The following DIAPH3 variants were observed in gnomAD, a reference collection of about 807,000 sequenced individuals.
DIAPH3 encodes diaphanous related formin 3.
DIAPH3 carries 117 observed loss-of-function variants against 144.3 expected under a neutral mutation model. The ratio of observed to expected loss-of-function variants is 0.81; its 90% CI spans 0.70 to 0.95. DIAPH3 has a LOEUF of 0.95. Among genes scored for constraint, DIAPH3 ranks in the 40% least tolerant of loss-of-function variants. DIAPH3 has a pLI of 0.00. For missense variants in DIAPH3, 1,421 were observed against 1,412.7 expected (o/e 1.01, Z -0.09); for synonymous variants, 519 against 488.9 (o/e 1.06, Z -0.81).
At chr13:59,800,330 T>C (rs1224189155) in intron 25 of DIAPH3, among the ~76,000 whole-genome samples, 3 of 152,190 alleles carry the variant, frequency 2.0e-5, no homozygotes, top group African/African-American at 7.2e-5. Context: ...ATCCTACTTA[T>C]ATCAAAGTGC....
chr13:59,742,002 C>A (rs573014756), intron 27 of DIAPH3, among the ~76,000 whole-genome samples: 1 of 152,110 alleles, frequency 6.6e-6, no homozygotes, highest in Non-Finnish European at 1.5e-5. Flanking sequence ...CAGTTCCACA[C>A]GGCTGGGGAG....
intron 25 of DIAPH3, among the ~76,000 whole-genome samples, chr13:59,787,879 A>G (rs11838830): frequency 0.068 from 10,307 of 152,258 alleles, 477 homozygotes; most frequent in South Asian, 0.18. Context: ...GTGCTTTTAT[A>G]AAAGGGATTC....
At chr13:60,133,216 T>C (rs2059187717) in intron 1 of DIAPH3, among the ~76,000 whole-genome samples, 2 of 152,062 alleles carry the variant, frequency 1.3e-5, no homozygotes, top group Non-Finnish European at 2.9e-5. Flanking sequence ...TTTTTTACTT[T>C]GTAAAACTCA....
chr13:60,019,667 C>T (rs1566666746), intron 5 of DIAPH3, among the ~76,000 whole-genome samples: 1 of 150,918 alleles, frequency 6.6e-6, no homozygotes, highest in Non-Finnish European at 1.5e-5. Flanking sequence ...CAATGTTTAA[C>T]CCGCCTTTAA....
At chr13:59,895,550 C>A (rs544175752) in intron 20 of DIAPH3, among the ~76,000 whole-genome samples, 4 of 151,316 alleles carry the variant, frequency 2.6e-5, no homozygotes, top group African/African-American at 9.7e-5. Context: ...ATAAGAAAAG[C>A]GAAAAAGGGA....
At chr13:59,719,220 A>G (rs986301752) in intron 27 of DIAPH3, among the ~76,000 whole-genome samples, 6 of 152,224 alleles carry the variant, frequency 3.9e-5, no homozygotes, top group Non-Finnish European at 8.8e-5. Context: ...GAAAATCAAT[A>G]TATTAGTGAA....
chr13:59,696,912 A>G (rs2033830651), intron 27 of DIAPH3, among the ~76,000 whole-genome samples: 1 of 152,138 alleles, frequency 6.6e-6, no homozygotes, highest in Admixed American at 6.5e-5. Flanking sequence ...TAGTTGCAAA[A>G]TAAACTTTTA....
At chr13:59,813,858 C>CAA (rs34778897) in intron 24 of DIAPH3, among the ~76,000 whole-genome samples, 954 of 91,172 alleles carry the variant, frequency 0.01, 6 homozygotes, top group African/African-American at 0.033. Context: ...GACTTTGTCT[C>CAA]AAAAAAAAAA....
At chr13:59,826,665 A>T (rs1476392666) in intron 24 of DIAPH3, among the ~76,000 whole-genome samples, 22 of 151,520 alleles carry the variant, frequency 1.5e-4, no homozygotes, top group East Asian at 5.8e-4. Context: ...TTTCTTCACA[A>T]AATTGGAAAA....
intron 24 of DIAPH3, among the ~76,000 whole-genome samples, chr13:59,824,607 T>C (rs2041268164): frequency 6.6e-6 from 1 of 152,150 alleles, no homozygotes; most frequent in Non-Finnish European, 1.5e-5. Context: ...GCAATTAAGA[T>C]GGGAGATATA....
At chr13:59,994,711 C>T (rs918266560) in intron 9 of DIAPH3, among the ~76,000 whole-genome samples, 1 of 151,806 alleles carries the variant, frequency 6.6e-6, no homozygotes, top group Non-Finnish European at 1.5e-5. Flanking sequence ...TTAACATGTT[C>T]AAAGACATGG....
At chr13:59,757,290 T>C in intron 27 of DIAPH3, among the ~76,000 whole-genome samples, 1 of 151,752 alleles carries the variant, frequency 6.6e-6, no homozygotes, top group Admixed American at 6.6e-5. Context: ...TTCATATCTG[T>C]TGCATTATCC....
chr13:60,093,802 T>C, intron 3 of DIAPH3, 70 bp from the exon 4 acceptor site: 1 of 976,958 alleles, frequency 1.0e-6, no homozygotes. Context: ...GCACTACAAA[T>C]GGAAAAATCA....
chr13:59,793,452 C>T (rs796485497), intron 25 of DIAPH3, among the ~76,000 whole-genome samples: 15 of 152,302 alleles, frequency 9.8e-5, no homozygotes, highest in African/African-American at 3.6e-4. Context: ...ACTCTTTACG[C>T]TATTCTTTGA....
At chr13:60,153,132 A>G (rs1434436603) in intron 1 of DIAPH3, among the ~76,000 whole-genome samples, 3 of 152,032 alleles carry the variant, frequency 2.0e-5, no homozygotes, top group African/African-American at 7.2e-5. Flanking sequence ...ATGGTTCTCA[A>G]TGAGGGCCAA....
chr13:59,885,275 C>A (rs528452092), intron 20 of DIAPH3, among the ~76,000 whole-genome samples: 1 of 151,918 alleles, frequency 6.6e-6, no homozygotes, highest in Non-Finnish European at 1.5e-5. Context: ...GGCATAAACC[C>A]CAGAATCATA....
At chr13:59,973,215 G>GT (rs553214832) in intron 15 of DIAPH3, among the ~76,000 whole-genome samples, 38 of 152,144 alleles carry the variant, frequency 2.5e-4, no homozygotes, top group African/African-American at 8.7e-4. Flanking sequence ...TGGTGGATAC[G>GT]TTTTTTATAA....
chr13:59,774,142 T>C (rs764704857), intron 27 of DIAPH3, 47 bp downstream of exon 27: 3 of 1,572,166 alleles, frequency 1.9e-6, no homozygotes, highest in Non-Finnish European at 2.6e-6. Context: ...ATCAATAGGA[T>C]AAAAGTAGAT....
rs148518480 is a variant in DIAPH3 at position 60,157,550 on chromosome 13, C to T, written c.180+6037G>A. Among the ~76,000 whole-genome samples the T allele has an allele frequency of 2.2e-3, 336 of 152,272 alleles. 4 individuals are homozygous for T. The highest frequency in any genetic ancestry group is 7.8e-3 in the African/African-American group (323 of 41,552). ...TATGGTTATACAACTGCTTTAAAAT[C>T]CTTGTCTATTAATGCTTACAACTGA... On this transcript the variant is annotated intron_variant, in intron 1 of 27. Coordinates refer to ENST00000400324, the MANE Select transcript of DIAPH3 (RefSeq NM_001042517.2).
Sources: gnomAD v4.1 joint callset for allele counts (sites outside exome capture counted in the v4.1 genomes callset) on GRCh38, gnomAD v4.1.1 for gene constraint, MANE v1.5 for transcripts, NCBI Gene and HGNC (gene_info 2026-07-23, HGNC 2026-07-21) for gene names.